Variants in FERMT2 observed in about 807,000 individuals in gnomAD.
FERMT2 encodes fermitin family homolog 2.
A neutral mutation model predicts 82.7 loss-of-function variants in FERMT2; 15 were observed. That is an observed-to-expected ratio of 0.18 (90% CI 0.12 to 0.28). FERMT2 has a LOEUF of 0.28. Ranked by LOEUF, FERMT2 falls within the 10% of genes least tolerant of loss-of-function variation. FERMT2 has a pLI of 1.00. For synonymous variants in FERMT2, 274 were observed against 271.5 expected, an observed-to-expected ratio of 1.01 and a Z score of -0.09; for missense variants, 645 against 809.4, an observed-to-expected ratio of 0.80 and a Z score of 2.46.
intron 1 of FERMT2, 60 bp downstream of exon 1, chr14:52,950,861 A>C (rs1358680203): frequency 3.9e-6 from 1 of 258,026 alleles, no homozygotes; most frequent in African/African-American, 2.3e-5. Context: ...GCGCGGGCTG[A>C]CTCCCCGTTC....
intron 2 of FERMT2, among the ~76,000 whole-genome samples, chr14:52,932,998 C>T (rs1555373629): frequency 6.6e-6 from 1 of 151,740 alleles, no homozygotes; most frequent in Non-Finnish European, 1.5e-5. Context: ...TATTAATCAA[C>T]AAAATGTAAA....
At chr14:52,860,955 GT>G in intron 12 of FERMT2, 1 of 1,262,144 alleles carries the variant, frequency 7.9e-7, no homozygotes, top group African/African-American at 1.5e-5. Context: ...ATGAGGGAAG[GT>G]TGTGGCTATG....
intron 3 of FERMT2, among the ~76,000 whole-genome samples, chr14:52,917,529 C>T (rs533918770): frequency 1.3e-5 from 2 of 151,832 alleles, no homozygotes; most frequent in East Asian, 1.9e-4. Flanking sequence ...TAATAAAAAC[C>T]CTGTTTCACT....
At chr14:52,869,344 TA>T (rs1354400246) in intron 10 of FERMT2, among the ~76,000 whole-genome samples, 1 of 152,194 alleles carries the variant, frequency 6.6e-6, no homozygotes, top group Non-Finnish European at 1.5e-5. Flanking sequence ...TTAAAAGCAA[TA>T]GTTTAAGTGA....
chr14:52,925,277 A>G (rs1226742601), intron 2 of FERMT2, among the ~76,000 whole-genome samples: 2 of 152,182 alleles, frequency 1.3e-5, no homozygotes, highest in Non-Finnish European at 2.9e-5. Flanking sequence ...AAAGGCCAGG[A>G]GCGGTGGCTC....
chr14:52,886,252 A>G (rs900763726), intron 4 of FERMT2, among the ~76,000 whole-genome samples: 2 of 151,946 alleles, frequency 1.3e-5, no homozygotes, highest in Admixed American at 6.6e-5. Context: ...ATGGAAGTAT[A>G]AACCACAGAA....
intron 3 of FERMT2, among the ~76,000 whole-genome samples, chr14:52,917,220 G>A (rs1021969113): frequency 6.6e-6 from 1 of 152,072 alleles, no homozygotes. Flanking sequence ...AAATACCTAC[G>A]TGGTAATGGC....
intron 4 of FERMT2, among the ~76,000 whole-genome samples, chr14:52,891,825 C>T (rs1017088208): frequency 6.6e-6 from 1 of 152,150 alleles, no homozygotes; most frequent in African/African-American, 2.4e-5. Flanking sequence ...TATATGCCCA[C>T]GATTAAAGAA....
At chr14:52,909,818 G>A (rs1044726121) in intron 3 of FERMT2, among the ~76,000 whole-genome samples, 2 of 152,076 alleles carry the variant, frequency 1.3e-5, no homozygotes, top group African/African-American at 4.8e-5. Context: ...ACTTTGGGAG[G>A]CCAGGGTGGG....
chr14:52,929,597 T>A (rs1003571297), intron 2 of FERMT2, among the ~76,000 whole-genome samples: 1 of 152,300 alleles, frequency 6.6e-6, no homozygotes, highest in Non-Finnish European at 1.5e-5. Flanking sequence ...AAGAATCATA[T>A]AACTAAGCTC....
At chr14:52,883,070 C>T (rs909085506) in intron 4 of FERMT2, among the ~76,000 whole-genome samples, 6 of 151,952 alleles carry the variant, frequency 3.9e-5, no homozygotes, top group African/African-American at 7.3e-5. Context: ...TGGTGGTGCA[C>T]GCTATTCGGG....
chr14:52,872,279 G>A (rs1161214583), intron 10 of FERMT2: 1 of 153,490 alleles, frequency 6.5e-6, no homozygotes, highest in East Asian at 1.9e-4. Context: ...GAATCAGCTT[G>A]GTGTGGTGGC....
At chr14:52,913,680 C>CAGTAGTAGTAGTAGTAGT (rs60319673) in intron 3 of FERMT2, among the ~76,000 whole-genome samples, 2,072 of 147,834 alleles carry the variant, frequency 0.014, 33 homozygotes, top group African/African-American at 0.041. Context: ...CAGCCAAAAA[C>CAGTAGTAGTAGTAGTAGT]AGTAGTAGTA....
intron 3 of FERMT2, among the ~76,000 whole-genome samples, chr14:52,904,212 C>T (rs1174689763): frequency 6.6e-6 from 1 of 152,032 alleles, no homozygotes; most frequent in Non-Finnish European, 1.5e-5. Flanking sequence ...GAAACCTCAT[C>T]TCTACTAAAA....
At chr14:52,906,932 G>A (rs1182449346) in intron 3 of FERMT2, among the ~76,000 whole-genome samples, 1 of 116,946 alleles carries the variant, frequency 8.6e-6, no homozygotes, top group Non-Finnish European at 1.7e-5. Flanking sequence ...AGACAACTGA[G>A]GGACATCAAT....
intron 3 of FERMT2, among the ~76,000 whole-genome samples, chr14:52,909,560 G>A (rs1442837162): frequency 5.3e-5 from 8 of 152,186 alleles, no homozygotes; most frequent in Non-Finnish European, 4.4e-5. Flanking sequence ...GGCTGAGGCA[G>A]GTAGATCACT....
At chr14:52,933,593 C>G (rs1438902205) in intron 2 of FERMT2, among the ~76,000 whole-genome samples, 2 of 151,362 alleles carry the variant, frequency 1.3e-5, no homozygotes, top group African/African-American at 4.9e-5. Context: ...GCCTGTAATC[C>G]CAGCTACTTG....
At chr14:52,944,104 T>C (rs190073259) in intron 2 of FERMT2, among the ~76,000 whole-genome samples, 268 of 152,328 alleles carry the variant, frequency 1.8e-3, no homozygotes, top group Non-Finnish European at 3.2e-4. Context: ...ACAGTAAAAC[T>C]TGAGTACTGT....
Position 52,859,685 on chromosome 14 carries a change from A to G in FERMT2, c.1757T>C (p.Ile586Thr), listed in dbSNP as rs144927888. The change falls in exon 14 of 15, where the codon ATT (isoleucine) becomes ACT (threonine). Residue 586 changes from isoleucine to threonine, a missense_variant. Coordinates refer to ENST00000341590, the MANE Select transcript of FERMT2 (RefSeq NM_006832.3). ...RFQGGKKEEL[I>T]GIAYNRLIRM... ...AATCAGTCTGTTGTATGCAATTCCA[A>G]TAAGTTCTTCTTTTTTGCCCCCTTG... 83 of 1,600,270 alleles carry G rather than the reference A, an allele frequency of 5.2e-5. No individual in the cohort carries two copies. The highest frequency in any genetic ancestry group is 2.1e-4 in the Admixed American group (12 of 58,430).
Sources: gnomAD v4.1 joint callset for allele counts (sites outside exome capture counted in the v4.1 genomes callset) on GRCh38, gnomAD v4.1.1 for gene constraint, MANE v1.5 for transcripts, NCBI Gene and HGNC (gene_info 2026-07-23, HGNC 2026-07-21) for gene names.